SYBU: variants seen among roughly 807,000 people sequenced by gnomAD.
SYBU encodes the protein syntabulin.
In SYBU, 21 loss-of-function variants were observed where a neutral mutation model predicts 35.9. The ratio of observed to expected loss-of-function variants is 0.58; its 90% CI spans 0.41 to 0.84. SYBU has a LOEUF of 0.84. SYBU is among the 40% of genes least tolerant of loss of function. The pLI, the probability that SYBU is intolerant of heterozygous loss-of-function variation, is 0.00. For missense variants in SYBU, 768 were observed against 848.2 expected, an observed-to-expected ratio of 0.91 and a Z score of 1.17; for synonymous variants, 319 against 324.3, an observed-to-expected ratio of 0.98 and a Z score of 0.18.
At chr8:109,621,165 T>C (rs188609828) in intron 2 of SYBU, among the ~76,000 whole-genome samples, 1 of 152,336 alleles carries the variant, frequency 6.6e-6, no homozygotes, top group East Asian at 1.9e-4. Flanking sequence ...AATTAAACAA[T>C]TTCCAGCATT....
intron 2 of SYBU, among the ~76,000 whole-genome samples, chr8:109,638,096 T>C (rs752658530): frequency 3.9e-5 from 6 of 152,192 alleles, no homozygotes; most frequent in Non-Finnish European, 7.3e-5. Context: ...TGTTCTCCCA[T>C]AAAACAACTA....
rs751824083 is a variant in SYBU at position 109,575,290 on chromosome 8, G to C, written c.1608C>G (p.Leu536=). Residue 536 remains leucine (L), a synonymous_variant, in exon 7 of 7, where the codon CTC becomes CTG. Coordinates refer to ENST00000276646, the MANE Select transcript of SYBU (RefSeq NM_001099754.2). ...PDSMESFPES[L]SALVVDLTPR... ...GAGTTAAATCAACCACTAAGGCAGA[G>C]AGGGACTCTGGGAAGCTCTCCATCG... 29 of 1,614,112 alleles carry C rather than the reference G, an allele frequency of 1.8e-5. No homozygotes were observed. Among genetic ancestry groups the C allele is most frequent in the Non-Finnish European group, 2.4e-5 (28 of 1,180,044 alleles).
chr8:109,575,922 C>A lies in SYBU; in HGVS notation c.976G>T (p.Ala326Ser). ...ATCTCTTTCCTGGCTTCTTTGAGTG[C>A]CAACTGGGCCTCTACCCGGTGACAC... ...EECHRVEAQL[A>S]LKEARKEIKQ... Residue 326 changes from alanine (A) to serine (S), a missense_variant, in exon 7 of 7, where the codon GCA becomes TCA. Coordinates refer to ENST00000276646, the MANE Select transcript of SYBU (RefSeq NM_001099754.2). The A allele has an allele frequency of 2.5e-6, 4 of 1,613,782 alleles. No individual in the cohort carries two copies. The highest frequency in any genetic ancestry group is 3.4e-6 in the Non-Finnish European group (4 of 1,179,996).
At chr8:109,641,114 T>C (rs1336851435) in intron 2 of SYBU, among the ~76,000 whole-genome samples, 1 of 152,220 alleles carries the variant, frequency 6.6e-6, no homozygotes, top group African/African-American at 2.4e-5. Flanking sequence ...TCACTAGTCA[T>C]AAGACAGTCA....
At chr8:109,597,448 T>C (rs1288868177) in intron 3 of SYBU, among the ~76,000 whole-genome samples, 1 of 152,094 alleles carries the variant, frequency 6.6e-6, no homozygotes, top group Non-Finnish European at 1.5e-5. Context: ...CTGGGTGCAG[T>C]GGCTCCCGTC....
intron 5 of SYBU, 31 bp from the exon 6 acceptor site, chr8:109,578,048 T>A (rs759465475): frequency 6.3e-7 from 1 of 1,589,214 alleles, no homozygotes; most frequent in Admixed American, 1.8e-5. Context: ...AAATGTTACT[T>A]TTTGCCGTTT....
intron 1 of SYBU, among the ~76,000 whole-genome samples, chr8:109,669,487 T>G (rs3134325): frequency 0.31 from 46,719 of 152,126 alleles, 8,338 homozygotes; most frequent in East Asian, 0.52. Context: ...GTGTTGAAGT[T>G]TAGCTGGTAA....
chr8:109,578,318 C>T (rs1457495849), intron 5 of SYBU, among the ~76,000 whole-genome samples: 1 of 152,134 alleles, frequency 6.6e-6, no homozygotes, highest in African/African-American at 2.4e-5. Context: ...AGAAGACAGC[C>T]CTTCCCAGAA....
chr8:109,604,870 C>A (rs1825909811), intron 3 of SYBU, among the ~76,000 whole-genome samples: 1 of 152,164 alleles, frequency 6.6e-6, no homozygotes, highest in Non-Finnish European at 1.5e-5. Flanking sequence ...ACAGTCAGGC[C>A]CGCCAGTAGT....
chr8:109,685,238 G>A (rs527835352), upstream of SYBU, among the ~76,000 whole-genome samples: 5 of 152,124 alleles, frequency 3.3e-5, no homozygotes, highest in East Asian at 1.9e-4. Flanking sequence ...TAATATACAC[G>A]AAAACATGTT....
intron 1 of SYBU, among the ~76,000 whole-genome samples, chr8:109,656,099 G>C (rs1269918148): frequency 6.9e-6 from 1 of 145,620 alleles, no homozygotes; most frequent in Non-Finnish European, 1.5e-5. Context: ...CTGGACAACA[G>C]AGCGAGACTC....
intron 3 of SYBU, among the ~76,000 whole-genome samples, chr8:109,618,130 T>C (rs1812018738): frequency 6.6e-6 from 1 of 152,230 alleles, no homozygotes; most frequent in South Asian, 2.1e-4. Flanking sequence ...AATGCAATGT[T>C]AGAGGATACC....
chr8:109,575,405 G>C lies in SYBU; in HGVS notation c.1493C>G (p.Ala498Gly). The part of the protein sequence containing the change: ...VQTDVVPYSP[A>G]ISELIQSVLQ... ...CACACTCTGAATGAGCTCTGAGATG[G>C]CTGGGCTGTAGGGCACCACGTCGGT... Residue 498 changes from alanine to glycine, a missense_variant, in exon 7 of 7, where the codon GCC (alanine) becomes GGC (glycine). By Grantham distance (60) the Ala-to-Gly change is moderately conservative (BLOSUM62 0). Coordinates refer to ENST00000276646, the MANE Select transcript of SYBU (RefSeq NM_001099754.2). 1 of 1,614,072 alleles carries C rather than the reference G, an allele frequency of 6.2e-7. No homozygotes were observed. The highest frequency in any genetic ancestry group is 8.5e-7 in the Non-Finnish European group (1 of 1,180,018).
Position 109,688,544 on chromosome 8 carries a change from T to C in SYBU, c.-58+2789A>G, listed in dbSNP as rs556361791. On this transcript the variant is annotated intron_variant, in intron 1 of 7. Coordinates refer to the SYBU transcript ENST00000422135. ...ACCCTGATGTTGGTGAGGGTGGCTCTGAACATCCATAAAAGACTTTTCAGA... is the reference window on the plus strand; with the variant it reads ...ACCCTGATGTTGGTGAGGGTGGCTCCGAACATCCATAAAAGACTTTTCAGA... 7.2e-5 allele frequency among the ~76,000 whole-genome samples: 11 copies of C among 152,372 alleles called. No homozygotes were observed. The East Asian group carries it at 1.9e-3, about 27-fold the overall frequency.
intron 1 of SYBU, chr8:109,644,141 G>A: frequency 2.2e-6 from 1 of 458,676 alleles, no homozygotes; most frequent in South Asian, 1.5e-5. Context: ...GAACTTCGGA[G>A]GGCCCTCAGG....
At chr8:109,648,891 T>G (rs528622715), upstream of SYBU, 11 of 151,850 alleles carry the variant, frequency 7.2e-5, no homozygotes, top group Non-Finnish European at 1.3e-4. Flanking sequence ...TGAGATTTTT[T>G]TGTGTGTGTG....
At chr8:109,618,385 T>C (rs1018709662) in intron 3 of SYBU, among the ~76,000 whole-genome samples, 2 of 152,114 alleles carry the variant, frequency 1.3e-5, no homozygotes, top group Non-Finnish European at 2.9e-5. Context: ...TAAAAGACTA[T>C]AACTAAGTTA....
chr8:109,580,436 T>G (rs1037290329), intron 4 of SYBU: 2 of 174,508 alleles, frequency 1.1e-5, no homozygotes, highest in African/African-American at 4.7e-5. Context: ...TTAATGCGGT[T>G]CATTTGGAGG....
At chr8:109,688,687 C>A (rs1455346983) in intron 1 of SYBU, among the ~76,000 whole-genome samples, 1 of 150,548 alleles carries the variant, frequency 6.6e-6, no homozygotes, top group Non-Finnish European at 1.5e-5. Flanking sequence ...TTGGTGATAT[C>A]TCTGGGTTCT....
Sources: allele counts gnomAD v4.1 joint callset (sites outside exome capture counted in the v4.1 genomes callset), GRCh38; gene constraint gnomAD v4.1.1; transcripts MANE v1.5; gene names NCBI Gene and HGNC (gene_info 2026-07-23, HGNC 2026-07-21).